FAM219B: variants seen among roughly 807,000 people sequenced by gnomAD.
FAM219B encodes family with sequence similarity 219 member B, also known as protein FAM219B.
In FAM219B, 18 loss-of-function variants were observed where a neutral mutation model predicts 19.9. The ratio of observed to expected loss-of-function variants is 0.91; its 90% confidence interval spans 0.63 to 1.34. The LOEUF (loss-of-function observed/expected upper bound fraction) is 1.34. FAM219B is among the 40% of genes most tolerant of loss of function. FAM219B has a pLI of 0.00. For missense variants in FAM219B, 283 were observed against 270.5 expected (o/e 1.05, Z -0.32); for synonymous variants, 123 against 117.5 (o/e 1.05, Z -0.30).
chr15:74,905,963 A>G (rs180700646), intron 2 of FAM219B: 24 of 316,230 alleles, frequency 7.6e-5, no homozygotes, highest in Admixed American at 3.7e-4. Flanking sequence ...AGGTCTAGCC[A>G]TTCCCACACT....
Position 74,906,848 on chromosome 15 carries a change from G to A in FAM219B, c.-48C>T, listed in dbSNP as rs1342539061. On this transcript the variant is annotated 5_prime_UTR_variant, in exon 1 of 5. Coordinates refer to ENST00000357635, the MANE Select transcript of FAM219B (RefSeq NM_020447.5). The stretch of plus-strand genomic sequence containing the variant: ...TGGTGCAACCCCGCCCGTGGCGAAA[G>A]AGTGACCGGCCGAGGGAGAGGCGGG... The A allele has an allele frequency of 8.1e-7, 1 of 1,236,186 alleles. No individual in the cohort carries two copies. The highest frequency in any genetic ancestry group is 1.6e-5 in the African/African-American group (1 of 64,208). 76.6% of individuals were successfully genotyped at this position (1,236,186 alleles called of 1,614,324 possible).
In FAM219B at chr15:74,900,353, A is replaced by C. The variant is rs1276260325; in HGVS notation, c.*2266T>G. Reference sequence around the variant, plus strand: ...TCTTCTTCAGGGACAGTTGCAGCTGAATATGCCAGAGCTGATTATTACAAC... The same window carrying C: ...TCTTCTTCAGGGACAGTTGCAGCTGCATATGCCAGAGCTGATTATTACAAC... On this transcript the variant is annotated 3_prime_UTR_variant, in exon 5 of 5. Transcript: ENST00000357635. The C allele has an allele frequency of 6.6e-6, 1 of 152,272 alleles. No individual in the cohort carries two copies. The highest frequency in any genetic ancestry group is 1.5e-5 in the Non-Finnish European group (1 of 68,124). 9.4% of individuals were successfully genotyped at this position (152,272 alleles called of 1,614,324 possible). A position where few individuals can be genotyped will look rare whatever the true frequency, so the allele number is the denominator to read the frequency against.
chr15:74,902,611 G>A lies in FAM219B; in HGVS notation c.*8C>T. ...ATGGTGAGCAGGGCCCACCTTGGAG[G>A]GTAATGTCTACTGGAGGGTACAGGA... On this transcript the variant is annotated 3_prime_UTR_variant, in exon 5 of 5. Coordinates refer to ENST00000357635, the MANE Select transcript of FAM219B (RefSeq NM_020447.5). The A allele has an allele frequency of 6.3e-7, 1 of 1,596,854 alleles. No individual in the cohort carries two copies.
Position 74,905,213 on chromosome 15 carries a change from C to G in FAM219B, c.321G>C (p.Lys107Asn). 6.2e-7 allele frequency: 1 copy of G among 1,613,906 alleles called. No individual in the cohort carries two copies. The highest frequency in any genetic ancestry group is 8.5e-7 in the Non-Finnish European group (1 of 1,179,908). ...SSGKRSVKFN[K>N]GYTALSQSPD... Reference sequence around the variant, plus strand: ...GACTCTGGCTAAGAGCAGTATAGCCCTTGTTAAACTTCACTGACCTGAGGG... The same window carrying G: ...GACTCTGGCTAAGAGCAGTATAGCCGTTGTTAAACTTCACTGACCTGAGGG... Residue 107 changes from lysine to asparagine, a missense_variant, in exon 3 of 5, where the codon AAG becomes AAC. Lys to Asn is a moderately conservative substitution (Grantham distance 94). Coordinates refer to ENST00000357635, the MANE Select transcript of FAM219B (RefSeq NM_020447.5).
In FAM219B at chr15:74,906,690, C is replaced by G. The variant is rs1279280790; in HGVS notation, c.111G>C (p.Gln37His). 1 of 1,467,472 alleles carries G rather than the reference C, an allele frequency of 6.8e-7. No homozygotes were observed. Among genetic ancestry groups the G allele is most frequent in the Non-Finnish European group, 9.0e-7 (1 of 1,112,758 alleles). 90.9% of individuals were successfully genotyped at this position (1,467,472 alleles called of 1,614,324 possible). A position where few individuals can be genotyped will look rare whatever the true frequency, so the allele number is the denominator to read the frequency against. ...APGAAGPPSG[Q>H]IGNRALRLGE... ...CCAGACGGAGGGCTCTATTACCGAT[C>G]TGCCCGGAGGGTGGCCCCGCAGCTC... is the stretch of plus-strand genomic sequence containing the variant. Residue 37 changes from glutamine (Q) to histidine (H), a missense_variant, in exon 1 of 5, where the codon CAG (glutamine) becomes CAC (histidine). Coordinates refer to ENST00000357635, the MANE Select transcript of FAM219B (RefSeq NM_020447.5).
chr15:74,906,378 G>T lies in FAM219B; in HGVS notation c.215-13C>A. The T allele has an allele frequency of 6.2e-7, 1 of 1,603,116 alleles. No individual in the cohort carries two copies. The highest frequency in any genetic ancestry group is 8.5e-7 in the Non-Finnish European group (1 of 1,175,160). On this transcript the variant is annotated splice_polypyrimidine_tract_variant and intron_variant, in intron 1 of 4. Transcript: ENST00000357635. ...TCCCGGTGCTTCTCTGGAAGTTAAA[G>T]GACCCGGGTCAGCCGGGTCTTCCCC...
chr15:74,903,921 G>C (rs1311126250), intron 4 of FAM219B, among the ~76,000 whole-genome samples: 1 of 152,186 alleles, frequency 6.6e-6, no homozygotes, highest in Non-Finnish European at 1.5e-5. Context: ...TCCCAGGAGT[G>C]TTTTAGCCTG....
rs1197918486 is a variant in FAM219B, at chr15:74,901,318, A to C, written c.*1301T>G. 1.3e-5 allele frequency: 2 copies of C among 152,250 alleles called. No individual in the cohort carries two copies. The highest frequency in any genetic ancestry group is 4.8e-5 in the African/African-American group (2 of 41,436). 9.4% of individuals were successfully genotyped at this position (152,250 alleles called of 1,614,324 possible). A position where few individuals can be genotyped will look rare whatever the true frequency, so the allele number is the denominator to read the frequency against. On this transcript the variant is annotated 3_prime_UTR_variant, in exon 5 of 5. Coordinates refer to ENST00000357635, the MANE Select transcript of FAM219B (RefSeq NM_020447.5). ...GTTCTGAGTTAAGCCAAAAAACAAA[A>C]CAAAACCTGTTGGAAAAATTCTAGA...
chr15:74,906,717 C>A lies in FAM219B; in HGVS notation c.84G>T (p.Pro28=). 7.2e-7 allele frequency: 1 copy of A among 1,385,192 alleles called. No homozygotes were observed. Among genetic ancestry groups the A allele is most frequent in the Non-Finnish European group, 9.4e-7 (1 of 1,067,364 alleles). The allele number at this position is 1,385,192 out of a possible 1,614,324, so 85.8% of individuals were successfully genotyped here. A position where few individuals can be genotyped will look rare whatever the true frequency, so the allele number is the denominator to read the frequency against. The change falls in exon 1 of 5, where the codon CCG becomes CCT. Residue 28 remains proline, a synonymous_variant. Transcript: ENST00000357635. ...PRPSGARDRA[P]GAAGPPSGQI... ...GCCCGGAGGGTGGCCCCGCAGCTCC[C>A]GGCGCGCGGTCCCGAGCCCCGCTGG...
At chr15:74,899,294 T>A (rs949161661), downstream of FAM219B, 1 of 152,202 alleles carries the variant, frequency 6.6e-6, no homozygotes, top group Non-Finnish European at 1.5e-5. Flanking sequence ...AGGTTTAAAT[T>A]CATGCAAAAG....
At position 74,906,592 on chromosome 15, in the gene FAM219B, T is replaced by C; in HGVS notation, c.209A>G (p.Lys70Arg). The change falls in exon 1 of 5, where the codon AAG becomes AGG. Residue 70 changes from lysine to arginine, a missense_variant. Transcript: ENST00000357635. ...GACCATCGGGCCACACTCACGCAGCTTGGCTTGAATGGAGGGTGCGCGCGT... is the reference window on the plus strand; with the variant it reads ...GACCATCGGGCCACACTCACGCAGCCTGGCTTGAATGGAGGGTGCGCGCGT... ...MVTRAPSIQA[K>R]LQKHRDLAKA... The C allele has an allele frequency of 6.6e-7, 1 of 1,506,140 alleles. No homozygotes were observed. 93.3% of individuals were successfully genotyped at this position (1,506,140 alleles called of 1,614,324 possible). A position where few individuals can be genotyped will look rare whatever the true frequency, so the allele number is the denominator to read the frequency against.
At chr15:74,904,160 G>A (rs1264035250) in intron 4 of FAM219B, among the ~76,000 whole-genome samples, 2 of 152,202 alleles carry the variant, frequency 1.3e-5, no homozygotes, top group Admixed American at 6.5e-5. Context: ...TGAGGGAAGG[G>A]TGGGTAGCAA....
chr15:74,903,809 G>A (rs924934891), intron 4 of FAM219B, among the ~76,000 whole-genome samples: 1 of 151,974 alleles, frequency 6.6e-6, no homozygotes, highest in African/African-American at 2.4e-5. Flanking sequence ...CAGGTCCCCA[G>A]CACTTCACCT....
In FAM219B at chr15:74,902,464, G is replaced by A; in HGVS notation, c.*155C>T. 1 of 600,772 alleles carries A rather than the reference G, an allele frequency of 1.7e-6. No individual in the cohort carries two copies. Among genetic ancestry groups the A allele is most frequent in the Non-Finnish European group, 2.6e-6 (1 of 388,322 alleles). The allele number at this position is 600,772 out of a possible 1,614,324, so 37.2% of individuals were successfully genotyped here. A position where few individuals can be genotyped will look rare whatever the true frequency, so the allele number is the denominator to read the frequency against. On this transcript the variant is annotated 3_prime_UTR_variant, in exon 5 of 5. Coordinates refer to ENST00000357635, the MANE Select transcript of FAM219B (RefSeq NM_020447.5). ...ACCTATCAGCCCACAGCCCAGATGG[G>A]GGCCTCTGGCCTGAGAAGCAACAGG...
chr15:74,905,100 T>C, intron 3 of FAM219B, 54 bp downstream of exon 3: 2 of 1,612,260 alleles, frequency 1.2e-6, no homozygotes, highest in Non-Finnish European at 1.7e-6. Flanking sequence ...TCAGGCGATC[T>C]TCAGTCCCAG....
rs760712452 is a variant in FAM219B at position 74,901,267 on chromosome 15, C to T, written c.*1352G>A. 1 of 152,334 alleles carries T rather than the reference C, an allele frequency of 6.6e-6. No individual in the cohort carries two copies. Among genetic ancestry groups the T allele is most frequent in the Admixed American group, 6.6e-5 (1 of 15,264 alleles). 9.4% of individuals were successfully genotyped at this position (152,334 alleles called of 1,614,324 possible). A position where few individuals can be genotyped will look rare whatever the true frequency, so the allele number is the denominator to read the frequency against. On this transcript the variant is annotated 3_prime_UTR_variant, in exon 5 of 5. Coordinates refer to ENST00000357635, the MANE Select transcript of FAM219B (RefSeq NM_020447.5). ...TGGGTGACAGAGACCCTGTCTCCAACAAAACAAAGCAGAACGCTCACCATG... is the reference window on the plus strand; with the variant it reads ...TGGGTGACAGAGACCCTGTCTCCAATAAAACAAAGCAGAACGCTCACCATG...
intron 2 of FAM219B, 68 bp downstream of exon 2, chr15:74,906,210 G>A: frequency 6.5e-7 from 1 of 1,543,100 alleles, no homozygotes; most frequent in South Asian, 1.2e-5. Context: ...AGAGCACCCT[G>A]CCTCCGTCCT....
intron 3 of FAM219B, 45 bp downstream of exon 3, chr15:74,905,109 A>G: frequency 6.2e-7 from 1 of 1,613,178 alleles, no homozygotes. Context: ...CTTCAGTCCC[A>G]GCCAAGTTGC....
rs757596457 is a variant in FAM219B, at chr15:74,902,744, AC to A, written c.471del (p.Tyr158IlefsTer69). ...TCATCTGGAATCTCATCCAGGTGAT[AC>A]CCATCCTGAAGCAGCTGCCGGCTCA... is the stretch of plus-strand genomic sequence containing the variant. The part of the protein sequence containing the change: ...QDVSRQLLQD[G>X]YHLDEIPDDE... On this transcript the variant is annotated frameshift_variant, in exon 5 of 5. Coordinates refer to ENST00000357635, the MANE Select transcript of FAM219B (RefSeq NM_020447.5). LOFTEE classifies it high-confidence loss of function. 6.8e-6 allele frequency: 11 copies of A among 1,611,822 alleles called. No homozygotes were observed. The South Asian group carries it at 1.1e-4, about 16-fold the overall frequency.
Sources: allele counts gnomAD v4.1 joint callset (sites outside exome capture counted in the v4.1 genomes callset), GRCh38; gene constraint gnomAD v4.1.1; transcripts MANE v1.5; gene names NCBI Gene and HGNC (gene_info 2026-07-23, HGNC 2026-07-21).